Variants in TMEM272 observed in about 807,000 individuals in gnomAD.
TMEM272 encodes transmembrane protein 272, also known as long intergenic non-protein coding RNA 282.
Under a neutral mutation model 3.7 loss-of-function variants are expected in TMEM272, and 8 were observed. That is an observed-to-expected ratio of 2.17 (90% CI 1.27 to 3.91). TMEM272 has a LOEUF of 3.91. Ranked by LOEUF, TMEM272 falls within the 30% of genes most tolerant of loss-of-function variation. TMEM272 has a pLI of 0.00. For synonymous variants in TMEM272, 63 were observed against 39.8 expected (o/e 1.58, Z -2.20); for missense variants, 166 against 91.5 (o/e 1.81, Z -3.32).
At chr13:51,895,695 C>A in the TMEM272 span, among the ~76,000 whole-genome samples, 1 of 152,104 alleles carries the variant, frequency 6.6e-6, no homozygotes, top group Non-Finnish European at 1.5e-5. Context: ...TACATCCCCC[C>A]ACCCTCTGCC....
chr13:51,920,672 TC>T, the TMEM272 span, among the ~76,000 whole-genome samples: 1 of 152,134 alleles, frequency 6.6e-6, no homozygotes, highest in African/African-American at 2.4e-5. Context: ...TCCCCACCTC[TC>T]ATCACTGCCT....
At chr13:51,920,347 T>C in the TMEM272 span, among the ~76,000 whole-genome samples, 1 of 152,146 alleles carries the variant, frequency 6.6e-6, no homozygotes, top group African/African-American at 2.4e-5. Flanking sequence ...AACGTGTATT[T>C]CCACTCCTGC....
the TMEM272 span, among the ~76,000 whole-genome samples, chr13:51,875,536 A>G: frequency 6.6e-6 from 1 of 152,178 alleles, no homozygotes; most frequent in Non-Finnish European, 1.5e-5. Context: ...CACATGACAC[A>G]TGACCAAGAA....
upstream of TMEM272, among the ~76,000 whole-genome samples, chr13:51,847,900 CAT>C (rs1323690866): frequency 6.6e-6 from 1 of 152,192 alleles, no homozygotes; most frequent in Non-Finnish European, 1.5e-5. Context: ...AGCTTTTCCA[CAT>C]GTCCCCAAAC....
chr13:51,928,555 C>G, the TMEM272 span, among the ~76,000 whole-genome samples: 1 of 152,218 alleles, frequency 6.6e-6, no homozygotes, highest in Admixed American at 6.5e-5. Context: ...CTGTTGAGAT[C>G]GCCTGTGACC....
At chr13:51,840,028 A>G (rs1338245267) in intron 1 of TMEM272, among the ~76,000 whole-genome samples, 1 of 152,186 alleles carries the variant, frequency 6.6e-6, no homozygotes, top group Non-Finnish European at 1.5e-5. Flanking sequence ...GGTCTTCCAC[A>G]TGTTACCTAA....
chr13:51,931,803 T>C, the TMEM272 span, among the ~76,000 whole-genome samples: 1 of 152,102 alleles, frequency 6.6e-6, no homozygotes, highest in Non-Finnish European at 1.5e-5. Context: ...CTCCAGGGTA[T>C]GCTGGAGGGC....
chr13:51,834,667 A>G (rs570440891), intron 2 of TMEM272, among the ~76,000 whole-genome samples: 1 of 151,900 alleles, frequency 6.6e-6, no homozygotes, highest in Non-Finnish European at 1.5e-5. Flanking sequence ...CCCAGGCCTG[A>G]GCAGAAGGTC....
At chr13:51,818,025 A>G (rs9526796) in intron 4 of TMEM272, among the ~76,000 whole-genome samples, 115,550 of 152,106 alleles carry the variant, frequency 0.76, 44,090 homozygotes, top group Admixed American at 0.81. Context: ...CGTCTTCTCT[A>G]CCTAGCAACT....
chr13:51,879,863 AT>A, the TMEM272 span, among the ~76,000 whole-genome samples: 3 of 152,226 alleles, frequency 2.0e-5, no homozygotes, highest in Admixed American at 1.3e-4. Context: ...GAGAAAGGTC[AT>A]TTAGTCCAAC....
chr13:51,869,686 C>T, the TMEM272 span, among the ~76,000 whole-genome samples: 903 of 152,090 alleles, frequency 5.9e-3, 26 homozygotes, highest in Admixed American at 0.053. Context: ...GACGGGGTTT[C>T]GCCATGTTGT....
chr13:51,926,769 A>G, the TMEM272 span, among the ~76,000 whole-genome samples: 3 of 152,226 alleles, frequency 2.0e-5, no homozygotes, highest in Non-Finnish European at 2.9e-5. Flanking sequence ...GGGAGCAAGG[A>G]TAATTGACAG....
chr13:51,857,573 A>G, the TMEM272 span, among the ~76,000 whole-genome samples: 4 of 152,184 alleles, frequency 2.6e-5, no homozygotes, highest in Admixed American at 6.5e-5. Context: ...ATAAAAATCC[A>G]TTAGACTTTA....
chr13:51,895,687 C>T, the TMEM272 span, among the ~76,000 whole-genome samples: 2 of 152,128 alleles, frequency 1.3e-5, no homozygotes, highest in Non-Finnish European at 2.9e-5. Flanking sequence ...CCACTGCCTA[C>T]ATCCCCCCAC....
chr13:51,871,034 C>A, the TMEM272 span, among the ~76,000 whole-genome samples: 1 of 152,066 alleles, frequency 6.6e-6, no homozygotes, highest in Non-Finnish European at 1.5e-5. Context: ...TCCTCCCCAA[C>A]TCCCGCCTGG....
the TMEM272 span, among the ~76,000 whole-genome samples, chr13:51,864,639 T>C: frequency 5.3e-5 from 8 of 152,360 alleles, no homozygotes; most frequent in East Asian, 1.3e-3. Flanking sequence ...TGAGCTCTTA[T>C]GAACAAAGCT....
chr13:51,922,881 C>T, the TMEM272 span, among the ~76,000 whole-genome samples: 4,768 of 152,302 alleles, frequency 0.031, 235 homozygotes, highest in African/African-American at 0.11. Context: ...GATCCTCCTA[C>T]CTCCCTCTTA....
the TMEM272 span, among the ~76,000 whole-genome samples, chr13:51,875,940 T>A: frequency 6.6e-6 from 1 of 152,236 alleles, no homozygotes; most frequent in Non-Finnish European, 1.5e-5. Flanking sequence ...TCTTCCTCCC[T>A]TCTGGGTCTT....
chr13:51,899,529 A>G, the TMEM272 span, among the ~76,000 whole-genome samples: 4 of 94,618 alleles, frequency 4.2e-5, 1 homozygote, highest in East Asian at 1.4e-3. Context: ...AAGACATGCC[A>G]TGTTCATGAA....
Sources: allele counts gnomAD v4.1 joint callset (sites outside exome capture counted in the v4.1 genomes callset), GRCh38; gene constraint gnomAD v4.1.1; transcripts MANE v1.5; gene names NCBI Gene and HGNC (gene_info 2026-07-23, HGNC 2026-07-21).